The following MDGA2 variants were observed in gnomAD, a reference collection of about 807,000 sequenced individuals.
The protein encoded by MDGA2 is MAM domain containing glycosylphosphatidylinositol anchor 2.
Under a neutral mutation model 117.8 loss-of-function variants are expected in MDGA2, and 40 were observed. That is an observed-to-expected ratio of 0.34 (90% confidence interval 0.26 to 0.44). The LOEUF is 0.44. Among genes scored for constraint, MDGA2 ranks in the 20% least tolerant of loss-of-function variants. The pLI, the probability that MDGA2 is intolerant of heterozygous loss-of-function variation, is 1.00. For synonymous variants in MDGA2, 452 were observed against 439.0 expected, an observed-to-expected ratio of 1.03 and a Z score of -0.37; for missense variants, 1,123 against 1,250.6, an observed-to-expected ratio of 0.90 and a Z score of 1.54.
intron 1 of MDGA2, among the ~76,000 whole-genome samples, chr14:47,525,678 G>A (rs572877982): frequency 4.6e-5 from 7 of 151,188 alleles, no homozygotes; most frequent in Non-Finnish European, 5.9e-5. Flanking sequence ...GTGAGACACC[G>A]TCTCAAAAAA....
intron 3 of MDGA2, among the ~76,000 whole-genome samples, chr14:47,200,146 T>A (rs1236723168): frequency 2.6e-5 from 4 of 152,010 alleles, no homozygotes; most frequent in Admixed American, 1.3e-4. Flanking sequence ...TGTTTACATA[T>A]GTATATTCTA....
At position 47,035,282 on chromosome 14, in the gene MDGA2, T is replaced by C. The variant is rs1888807012; in HGVS notation, c.1548A>G (p.Pro516=). Residue 516 remains proline, a synonymous_variant, in exon 8 of 17, where the codon CCA becomes CCG. Transcript: ENST00000399232. ...TGGTGACCAATGGTGATTTTTCCTG[T>C]GGAACAGTCAGATTGGGTGGAACTT... ...SSTVPPNLTV[P]QEKSPLVTRE... is the part of the protein sequence containing the mutation. The C allele has an allele frequency of 6.2e-7, 1 of 1,613,644 alleles. No homozygotes were observed. The highest frequency in any genetic ancestry group is 1.1e-5 in the South Asian group (1 of 91,030).
chr14:46,964,572 A>G (rs1283604675), intron 8 of MDGA2, among the ~76,000 whole-genome samples: 3 of 152,228 alleles, frequency 2.0e-5, no homozygotes, highest in Non-Finnish European at 4.4e-5. Context: ...AAGCAAATAC[A>G]TTGAGGACAA....
At chr14:47,297,833 A>G (rs754811088) in intron 2 of MDGA2, among the ~76,000 whole-genome samples, 2 of 152,182 alleles carry the variant, frequency 1.3e-5, no homozygotes, top group Non-Finnish European at 2.9e-5. Context: ...TGCTAAAACC[A>G]TTTTTAAAAT....
chr14:46,911,827 A>C (rs1018826683), intron 10 of MDGA2, among the ~76,000 whole-genome samples: 2 of 152,236 alleles, frequency 1.3e-5, no homozygotes, highest in African/African-American at 4.8e-5. Flanking sequence ...CATTTAAGAA[A>C]TATTAATACA....
At chr14:47,577,299 T>C (rs1896134033) in intron 1 of MDGA2, among the ~76,000 whole-genome samples, 1 of 152,186 alleles carries the variant, frequency 6.6e-6, no homozygotes, top group Non-Finnish European at 1.5e-5. Context: ...TCCAGATGGG[T>C]TAAAGACGTA....
chr14:47,169,022 A>G (rs570987857), intron 3 of MDGA2, among the ~76,000 whole-genome samples: 11 of 152,212 alleles, frequency 7.2e-5, no homozygotes, highest in Non-Finnish European at 1.3e-4. Context: ...ATATATAGAT[A>G]GATAGATAGA....
At chr14:47,098,341 G>C (rs1254019377) in intron 5 of MDGA2, among the ~76,000 whole-genome samples, 1 of 150,116 alleles carries the variant, frequency 6.7e-6, no homozygotes, top group East Asian at 2.0e-4. Context: ...TGAAGTGCCT[G>C]TATGACCTTT....
At chr14:47,281,479 A>T (rs555777401) in intron 2 of MDGA2, among the ~76,000 whole-genome samples, 1 of 152,328 alleles carries the variant, frequency 6.6e-6, no homozygotes, top group Non-Finnish European at 1.5e-5. Context: ...ATAACAGAGC[A>T]TGAATAAATC....
chr14:47,485,423 T>C (rs962588504), intron 1 of MDGA2, among the ~76,000 whole-genome samples: 1 of 152,088 alleles, frequency 6.6e-6, no homozygotes, highest in Non-Finnish European at 1.5e-5. Context: ...TTCAGTTTTA[T>C]AAGGGAAGCA....
At chr14:47,656,856 A>ATAATCCCT (rs1242103865) in intron 1 of MDGA2, among the ~76,000 whole-genome samples, 1 of 152,194 alleles carries the variant, frequency 6.6e-6, no homozygotes, top group African/African-American at 2.4e-5. Flanking sequence ...GGTGGGATTT[A>ATAATCCCT]TAATCCCTTT....
chr14:47,158,886 A>G (rs1318504361), intron 3 of MDGA2, among the ~76,000 whole-genome samples: 1 of 152,252 alleles, frequency 6.6e-6, no homozygotes, highest in African/African-American at 2.4e-5. Context: ...CTCTCAAGCC[A>G]TGAATACACA....
intron 2 of MDGA2, among the ~76,000 whole-genome samples, chr14:47,286,884 G>A (rs1404224128): frequency 2.1e-5 from 3 of 144,706 alleles, no homozygotes; most frequent in Non-Finnish European, 4.5e-5. Flanking sequence ...AATGCAACAT[G>A]AAGTCCCTGT....
chr14:47,258,517 T>C (rs565274191), intron 2 of MDGA2, among the ~76,000 whole-genome samples: 1 of 152,018 alleles, frequency 6.6e-6, no homozygotes, highest in Non-Finnish European at 1.5e-5. Context: ...CAAGCCCCTC[T>C]TCCAACACTG....
chr14:47,308,649 C>T (rs1210309741), intron 1 of MDGA2, among the ~76,000 whole-genome samples: 5 of 148,758 alleles, frequency 3.4e-5, no homozygotes, highest in African/African-American at 1.2e-4. Context: ...TATAAATAAG[C>T]TTAGTGTGTC....
intron 3 of MDGA2, among the ~76,000 whole-genome samples, chr14:47,174,883 A>G (rs1260461725): frequency 1.3e-5 from 2 of 152,206 alleles, no homozygotes; most frequent in Non-Finnish European, 2.9e-5. Context: ...AAGGATCAAC[A>G]AAATTCATAG....
intron 1 of MDGA2, among the ~76,000 whole-genome samples, chr14:47,564,981 T>C (rs943052536): frequency 3.3e-5 from 5 of 151,962 alleles, no homozygotes; most frequent in Non-Finnish European, 7.3e-5. Context: ...TTTCTTAAAA[T>C]GGCCACTTTT....
chr14:47,532,654 T>A (rs1043917136), intron 1 of MDGA2, among the ~76,000 whole-genome samples: 5 of 152,238 alleles, frequency 3.3e-5, no homozygotes, highest in Non-Finnish European at 5.9e-5. Flanking sequence ...TCTTCTAATT[T>A]TCTTGCTACT....
intron 3 of MDGA2, among the ~76,000 whole-genome samples, chr14:47,166,920 A>AGT (rs1362921703): frequency 2.0e-5 from 3 of 152,156 alleles, no homozygotes; most frequent in African/African-American, 7.2e-5. Flanking sequence ...CTGACAAGAC[A>AGT]GTGTGTGTGT....
Sources: gnomAD v4.1 joint callset for allele counts (sites outside exome capture counted in the v4.1 genomes callset) on GRCh38, gnomAD v4.1.1 for gene constraint, MANE v1.5 for transcripts, NCBI Gene and HGNC (gene_info 2026-07-23, HGNC 2026-07-21) for gene names.